Variants in CNTN3 observed in about 807,000 individuals in gnomAD.
The protein encoded by CNTN3 is contactin 3.
Under a neutral mutation model 119.1 loss-of-function variants are expected in CNTN3, and 60 were observed. The observed-to-expected ratio is 0.50, with a 90% CI of 0.41 to 0.62. CNTN3 has a LOEUF of 0.62. Ranked by LOEUF, CNTN3 falls within the 20% of genes least tolerant of loss-of-function variation. CNTN3 has a pLI of 0.00. For missense variants in CNTN3, 1,101 were observed against 1,242.4 expected (o/e 0.89, Z 1.71); for synonymous variants, 450 against 438.7 (o/e 1.03, Z -0.32).
chr3:74,386,648 G>T (rs4677387), intron 5 of CNTN3, among the ~76,000 whole-genome samples: 152,357 of 152,366 alleles, frequency 1, 76,174 homozygotes, highest in Middle Eastern at 1. Flanking sequence ...TGGTATCTGC[G>T]AGCTCTGTAA....
chr3:74,356,793 A>G (rs1703944143), intron 11 of CNTN3, among the ~76,000 whole-genome samples: 1 of 152,008 alleles, frequency 6.6e-6, no homozygotes, highest in African/African-American at 2.4e-5. Context: ...AACAACTCTC[A>G]TTTCTTCAAA....
chr3:74,363,698 T>C (rs775055845), intron 10 of CNTN3, among the ~76,000 whole-genome samples: 52 of 152,106 alleles, frequency 3.4e-4, no homozygotes, highest in Non-Finnish European at 6.0e-4. Context: ...ATACATTCAT[T>C]TTGTTGGGAA....
At chr3:74,388,542 T>TA (rs1704815353) in intron 5 of CNTN3, among the ~76,000 whole-genome samples, 1 of 152,048 alleles carries the variant, frequency 6.6e-6, no homozygotes, top group Admixed American at 6.6e-5. Context: ...TTTATTTTTA[T>TA]AAAAAACTTC....
intron 5 of CNTN3, among the ~76,000 whole-genome samples, chr3:74,413,468 T>C (rs1281498748): frequency 1.3e-5 from 2 of 152,200 alleles, no homozygotes; most frequent in South Asian, 2.1e-4. Context: ...AAAAAAGCCA[T>C]GGTAAGAACT....
At chr3:74,603,782 T>C (rs1361587230) in intron 1 of CNTN3, among the ~76,000 whole-genome samples, 1 of 151,712 alleles carries the variant, frequency 6.6e-6, no homozygotes, top group Non-Finnish European at 1.5e-5. Context: ...CTAACAAAAT[T>C]CCAAAGACAT....
chr3:74,388,378 G>A (rs957625119), intron 5 of CNTN3, among the ~76,000 whole-genome samples: 5 of 151,796 alleles, frequency 3.3e-5, no homozygotes, highest in African/African-American at 7.3e-5. Context: ...AGTGGCTTTC[G>A]AATCACTGAT....
intron 5 of CNTN3, among the ~76,000 whole-genome samples, chr3:74,378,480 C>T (rs1000098077): frequency 4.6e-5 from 7 of 152,080 alleles, no homozygotes; most frequent in African/African-American, 1.2e-4. Flanking sequence ...GTCTGACTTG[C>T]GAGGGTCCTA....
intron 5 of CNTN3, among the ~76,000 whole-genome samples, chr3:74,388,451 T>TTA (rs1329665806): frequency 7.2e-5 from 11 of 152,032 alleles, no homozygotes; most frequent in Admixed American, 2.0e-4. Flanking sequence ...TTATAACAAG[T>TTA]GAGTACACAG....
intron 14 of CNTN3, among the ~76,000 whole-genome samples, chr3:74,302,384 C>A (rs377390986): frequency 6.6e-6 from 1 of 152,170 alleles, no homozygotes; most frequent in Non-Finnish European, 1.5e-5. Flanking sequence ...GAAGCAAACA[C>A]ACTGCACAAT....
intron 13 of CNTN3, among the ~76,000 whole-genome samples, chr3:74,313,895 T>C (rs1187627730): frequency 6.6e-6 from 1 of 152,190 alleles, no homozygotes; most frequent in Non-Finnish European, 1.5e-5. Context: ...GGGGATTATC[T>C]AGAGATCCAA....
chr3:74,323,669 C>G (rs1703051987), intron 13 of CNTN3, among the ~76,000 whole-genome samples: 1 of 152,174 alleles, frequency 6.6e-6, no homozygotes, highest in Non-Finnish European at 1.5e-5. Context: ...AAGCTATCAT[C>G]AGCAGATACC....
rs1439468415 is a variant in CNTN3, at chr3:74,267,374, G to A, written c.2709C>T (p.Pro903=). ...TVNVTTKKTP[P]SQPPGNVVWN... ...AAACAACATTTCCTGGTGGCTGACT[G>A]GGAGCTTGAAATGCAAAATGAGAAA... The change falls in exon 21 of 23, where the codon CCC becomes CCT. Residue 903 remains proline, a synonymous_variant. Transcript: ENST00000263665. The A allele has an allele frequency of 3.1e-6, 5 of 1,608,438 alleles. No individual in the cohort carries two copies. Among genetic ancestry groups the A allele is most frequent in the Non-Finnish European group, 3.4e-6 (4 of 1,175,270 alleles).
At chr3:74,268,138 C>A (rs1050256621) in intron 20 of CNTN3, among the ~76,000 whole-genome samples, 1 of 151,980 alleles carries the variant, frequency 6.6e-6, no homozygotes, top group African/African-American at 2.4e-5. Context: ...AAACTCTCTG[C>A]GGTTTCTAAA....
chr3:74,276,321 C>T (rs1459361146), intron 20 of CNTN3, among the ~76,000 whole-genome samples: 1 of 152,104 alleles, frequency 6.6e-6, no homozygotes, highest in African/African-American at 2.4e-5. Context: ...TTCCATCCAA[C>T]AACCACAGAA....
Position 74,298,110 on chromosome 3 carries a change from G to A in CNTN3, c.2248C>T (p.Gln750Ter), listed in dbSNP as rs1289247528. The stretch of plus-strand genomic sequence containing the variant: ...GTGTCAGGGGATGTCACCACTGTCT[G>A]GATCCAGGTGGTAACCCCAAGAGGG... ...FRPLGVTTWI[Q>*]TVVTSPDTPR... Residue 750 changes from glutamine to a stop codon, truncating the protein, a stop_gained, in exon 18 of 23, where the codon CAG (glutamine) becomes TAG (stop). Transcript: ENST00000263665. LOFTEE classifies it high-confidence loss of function. 1 of 1,613,496 alleles carries A rather than the reference G, an allele frequency of 6.2e-7. No homozygotes were observed. The highest frequency in any genetic ancestry group is 8.5e-7 in the Non-Finnish European group (1 of 1,179,746).
At chr3:74,560,845 T>G (rs1383757796) in intron 1 of CNTN3, among the ~76,000 whole-genome samples, 1 of 151,676 alleles carries the variant, frequency 6.6e-6, no homozygotes, top group East Asian at 1.9e-4. Flanking sequence ...TATGCAGCCA[T>G]AAAAAATGAT....
At chr3:74,419,307 G>GA (rs1448334731) in intron 5 of CNTN3, among the ~76,000 whole-genome samples, 1 of 152,020 alleles carries the variant, frequency 6.6e-6, no homozygotes, top group Non-Finnish European at 1.5e-5. Flanking sequence ...TCCTAGAGAT[G>GA]AAAACTCCTA....
chr3:74,340,166 T>C (rs145427862), intron 11 of CNTN3, among the ~76,000 whole-genome samples: 26 of 152,274 alleles, frequency 1.7e-4, no homozygotes, highest in African/African-American at 5.5e-4. Flanking sequence ...ATAGGTTGTA[T>C]GCAAAAGCCA....
intron 1 of CNTN3, among the ~76,000 whole-genome samples, chr3:74,562,043 G>T (rs560500353): frequency 5.9e-5 from 9 of 152,206 alleles, no homozygotes; most frequent in African/African-American, 2.2e-4. Context: ...GTTCTCCCAA[G>T]CCTGACTCAT....
Sources: gnomAD v4.1 joint callset for allele counts (sites outside exome capture counted in the v4.1 genomes callset) on GRCh38, gnomAD v4.1.1 for gene constraint, MANE v1.5 for transcripts, NCBI Gene and HGNC (gene_info 2026-07-23, HGNC 2026-07-21) for gene names.